Variants in COL24A1 observed in about 807,000 individuals in gnomAD.
The protein encoded by COL24A1 is collagen alpha-1(XXIV) chain.
Under a neutral mutation model 253.9 loss-of-function variants are expected in COL24A1, and 224 were observed. The ratio of observed to expected loss-of-function variants is 0.88; its 90% CI spans 0.79 to 0.99. The LOEUF is 0.99. Ranked by LOEUF, COL24A1 falls within the 50% of genes least tolerant of loss-of-function variation. The probability of loss-of-function intolerance (pLI) is 0.00; values close to 1 mark genes in which losing one functional copy is unlikely to be tolerated. For synonymous variants in COL24A1, 685 were observed against 673.7 expected, an observed-to-expected ratio of 1.02 and a Z score of -0.26; for missense variants, 2,131 against 2,068.5, an observed-to-expected ratio of 1.03 and a Z score of -0.59.
intron 24 of COL24A1, 100 bp downstream of exon 24, chr1:85,961,143 TATTCTG>T (rs1450859151): frequency 7.5e-5 from 63 of 837,010 alleles, no homozygotes; most frequent in Non-Finnish European, 1.0e-4. Flanking sequence ...GGATAAGAAT[TATTCTG>T]ATTCCGAGTA....
chr1:85,812,133 G>C (rs56002647), intron 47 of COL24A1, among the ~76,000 whole-genome samples: 3,127 of 152,282 alleles, frequency 0.021, 101 homozygotes, highest in African/African-American at 0.073. Flanking sequence ...TATGAACTCG[G>C]TAATAATCGA....
At chr1:85,966,137 T>C (rs965782210) in intron 22 of COL24A1, among the ~76,000 whole-genome samples, 2 of 152,060 alleles carry the variant, frequency 1.3e-5, no homozygotes, top group Non-Finnish European at 2.9e-5. Context: ...CTGGATATAA[T>C]GTGAAGGTAG....
chr1:85,856,468 G>A (rs1354911614), intron 37 of COL24A1, among the ~76,000 whole-genome samples: 4 of 152,066 alleles, frequency 2.6e-5, no homozygotes, highest in East Asian at 1.9e-4. Context: ...TCTTTCAGGA[G>A]CAGACTGATT....
chr1:85,821,161 C>T (rs953564051), intron 45 of COL24A1, among the ~76,000 whole-genome samples: 4 of 152,168 alleles, frequency 2.6e-5, no homozygotes, highest in African/African-American at 9.7e-5. Context: ...AGTTCACTCA[C>T]ATTTGCATTA....
intron 58 of COL24A1, chr1:85,736,283 G>C (rs894278220): frequency 1.1e-5 from 5 of 456,070 alleles, no homozygotes; most frequent in African/African-American, 1.0e-4. Flanking sequence ...GTCTTCCTTG[G>C]GTTGAGTTTA....
chr1:85,858,173 C>T (rs1171187290), intron 37 of COL24A1, among the ~76,000 whole-genome samples: 1 of 152,168 alleles, frequency 6.6e-6, no homozygotes, highest in East Asian at 1.9e-4. Context: ...CACTTTTAAC[C>T]CCATAGCTCA....
At chr1:85,881,029 T>TA (rs1303032348) in intron 32 of COL24A1, among the ~76,000 whole-genome samples, 1 of 152,254 alleles carries the variant, frequency 6.6e-6, no homozygotes, top group Non-Finnish European at 1.5e-5. Context: ...AATGCTCACA[T>TA]AATGGCCTCA....
In COL24A1 at chr1:85,920,668, A is replaced by G. The variant is rs560301265; in HGVS notation, c.2563-9235T>C. Among the ~76,000 whole-genome samples the G allele has an allele frequency of 7.2e-5, 11 of 152,178 alleles. No homozygotes were observed. The East Asian group carries it at 1.3e-3, about 19-fold the overall frequency. ...CAAACAAATCATTATAATAGTCCAC[A>G]TTAAATGTAATGACTGGTATGAGGA... On this transcript the variant is annotated intron_variant, in intron 24 of 59. Coordinates refer to ENST00000370571, the MANE Select transcript of COL24A1 (RefSeq NM_152890.7).
In COL24A1 at chr1:85,823,533, T is replaced by G. The variant is rs1237163974; in HGVS notation, c.3789+3A>C. ...CAAATTGCCTTAAATAATTTCAACT[T>G]ACTTCAGATCCTCTCTCTCCTTTTA... On this transcript the variant is annotated splice_donor_region_variant and intron_variant, in intron 45 of 59. Coordinates refer to ENST00000370571, the MANE Select transcript of COL24A1 (RefSeq NM_152890.7). 1 of 1,613,842 alleles carries G rather than the reference T, an allele frequency of 6.2e-7. No homozygotes were observed. The highest frequency in any genetic ancestry group is 8.5e-7 in the Non-Finnish European group (1 of 1,179,864).
At chr1:86,030,750 CTTT>C (rs10708970) in intron 14 of COL24A1, among the ~76,000 whole-genome samples, 7 of 142,980 alleles carry the variant, frequency 4.9e-5, no homozygotes, top group Admixed American at 6.9e-5. Context: ...TTTTTTCTTT[CTTT>C]TTTTTTTTTT....
At chr1:86,023,643 C>T (rs1026218141) in intron 14 of COL24A1, among the ~76,000 whole-genome samples, 1 of 152,022 alleles carries the variant, frequency 6.6e-6, no homozygotes, top group South Asian at 2.1e-4. Flanking sequence ...TAATCTCTAA[C>T]ATCAAGGTTC....
At chr1:85,769,201 G>A (rs956647336) in intron 53 of COL24A1, among the ~76,000 whole-genome samples, 4 of 150,862 alleles carry the variant, frequency 2.7e-5, no homozygotes, top group African/African-American at 9.7e-5. Context: ...GAGAGGCACT[G>A]CCAGGTGTGA....
chr1:85,990,431 C>T (rs1694143818), intron 19 of COL24A1, among the ~76,000 whole-genome samples: 1 of 152,180 alleles, frequency 6.6e-6, no homozygotes, highest in African/African-American at 2.4e-5. Flanking sequence ...CAACCTAGAT[C>T]CCTCACACGT....
intron 24 of COL24A1, among the ~76,000 whole-genome samples, chr1:85,918,454 G>A (rs1406333658): frequency 6.6e-6 from 1 of 151,936 alleles, no homozygotes; most frequent in Admixed American, 6.6e-5. Context: ...TGATTTGTCT[G>A]TTTTTCTCCC....
At position 85,841,222 on chromosome 1, in the gene COL24A1, T is replaced by A. The variant is rs752620036; in HGVS notation, c.3627A>T (p.Pro1209=). 6.3e-7 allele frequency: 1 copy of A among 1,598,740 alleles called. No homozygotes were observed. Among genetic ancestry groups the A allele is most frequent in the South Asian group, 1.1e-5 (1 of 88,134 alleles). ...AGAATTATTTCAGAAAAAGACCTAC[T>A]GGTTCACCTCGAGGCCCAGGTGGTC... ...VLGPPGPRGE[P]GPVGDQGERG... The change falls in exon 42 of 60, where the codon CCA becomes CCT. Residue 1209 remains proline (P), a splice_region_variant and synonymous_variant. Coordinates refer to ENST00000370571, the MANE Select transcript of COL24A1 (RefSeq NM_152890.7).
intron 32 of COL24A1, among the ~76,000 whole-genome samples, chr1:85,887,508 AT>A (rs2102719532): frequency 6.6e-6 from 1 of 151,888 alleles, no homozygotes; most frequent in South Asian, 2.1e-4. Flanking sequence ...GACAGTAAGT[AT>A]TTTAGGCTTG....
chr1:85,896,336 T>A lies in COL24A1; in HGVS notation c.2832+20A>T, dbSNP rs754729999. 1.0e-5 allele frequency: 16 copies of A among 1,605,262 alleles called. No homozygotes were observed. The South Asian group carries it at 1.5e-4, about 15-fold the overall frequency. ...CAATAAAATTTAACTACATATGAAA[T>A]GAGAAAAATCAATGATTACCTTGGC... is the stretch of plus-strand genomic sequence containing the variant. On this transcript the variant is annotated intron_variant, in intron 29 of 59. Coordinates refer to ENST00000370571, the MANE Select transcript of COL24A1 (RefSeq NM_152890.7).
chr1:85,790,906 A>G (rs59771727), intron 47 of COL24A1, among the ~76,000 whole-genome samples: 2,392 of 152,292 alleles, frequency 0.016, 79 homozygotes, highest in African/African-American at 0.055. Flanking sequence ...AAATTGGAAA[A>G]TGTAACATGG....
At chr1:85,978,355 C>T (rs968776807) in intron 20 of COL24A1, among the ~76,000 whole-genome samples, 6 of 151,774 alleles carry the variant, frequency 4.0e-5, no homozygotes, top group African/African-American at 7.3e-5. Context: ...ACAACTAACA[C>T]GATGAATAAA....
Sources: allele counts gnomAD v4.1 joint callset (sites outside exome capture counted in the v4.1 genomes callset), GRCh38; gene constraint gnomAD v4.1.1; transcripts MANE v1.5; gene names NCBI Gene and HGNC (gene_info 2026-07-23, HGNC 2026-07-21).